The following UHRF1 variants were observed in gnomAD, a reference collection of about 807,000 sequenced individuals.
The protein encoded by UHRF1 is E3 ubiquitin-protein ligase UHRF1.
A neutral mutation model predicts 96.5 loss-of-function variants in UHRF1; 9 were observed. The ratio of observed to expected loss-of-function variants is 0.09; its 90% confidence interval spans 0.06 to 0.16. The LOEUF is 0.16. Ranked by LOEUF, UHRF1 falls within the 10% of genes least tolerant of loss-of-function variation. UHRF1 has a pLI of 1.00. For synonymous variants in UHRF1, 455 were observed against 469.9 expected, an observed-to-expected ratio of 0.97 and a Z score of 0.41; for missense variants, 626 against 1,131.1, an observed-to-expected ratio of 0.55 and a Z score of 6.40.
Position 4,929,457 on chromosome 19 carries a change from C to T in UHRF1, c.389C>T (p.Thr130Met), listed in dbSNP as rs371706472. 1.8e-5 allele frequency: 29 copies of T among 1,613,580 alleles called. No homozygotes were observed. The highest frequency in any genetic ancestry group is 5.3e-5 in the African/African-American group (4 of 75,012). Residue 130 changes from threonine to methionine, a missense_variant, in exon 3 of 17, where the codon ACG becomes ATG. Thr to Met is a moderately conservative substitution (Grantham distance 81). Coordinates refer to ENST00000650932, the MANE Select transcript of UHRF1 (RefSeq NM_001048201.3). The stretch of plus-strand genomic sequence containing the variant: ...GCCGATGAGGACATGTGGGATGAGA[C>T]GGAATTGGGGCTGTACAAGGTGAGC... ...RPADEDMWDE[T>M]ELGLYKVNEY... is the part of the protein sequence containing the mutation.
At chr19:4,948,258 T>G (rs1443228095) in intron 11 of UHRF1, among the ~76,000 whole-genome samples, 1 of 152,164 alleles carries the variant, frequency 6.6e-6, no homozygotes, top group Non-Finnish European at 1.5e-5. Context: ...CAGTGAATTT[T>G]ATTTGCAAAA....
intron 10 of UHRF1, 122 bp from the exon 11 acceptor site, chr19:4,946,983 C>G (rs1383964641): frequency 2.7e-6 from 2 of 745,360 alleles, no homozygotes; most frequent in Non-Finnish European, 4.5e-6. Flanking sequence ...CACATTCTCA[C>G]CAACGCTTGT....
At position 4,911,141 on chromosome 19, in the gene UHRF1, CTCGTCCGG is replaced by C. The variant is rs1358179658; in HGVS notation, c.153+106_153+113del. On this transcript the variant is annotated intron_variant, in intron 2 of 16. Transcript: ENST00000650932. ...CCCTCCCACCTCCCCCCCCAACAAC[CTCGTCCGG>C]TCCCACTTCATCTCTCCCGGAAGGA... is the stretch of plus-strand genomic sequence containing the variant. 5.2e-6 allele frequency: 6 copies of C among 1,152,984 alleles called. No individual in the cohort carries two copies. The East Asian group carries it at 1.6e-4, about 30-fold the overall frequency. 71.4% of individuals were successfully genotyped at this position (1,152,984 alleles called of 1,614,324 possible).
At position 4,944,282 on chromosome 19, in the gene UHRF1, G is replaced by A. The variant is rs375878465; in HGVS notation, c.1197+27G>A. 5.6e-6 allele frequency: 9 copies of A among 1,613,818 alleles called. No individual in the cohort carries two copies. The South Asian group carries it at 6.6e-5, about 12-fold the overall frequency. On this transcript the variant is annotated intron_variant, in intron 8 of 16. Transcript: ENST00000650932. ...TGAGGCGGGTCCTTCCCACGTGCCC[G>A]TGGCCCCTCCCCGCCTGCCAGGGCT... is the stretch of plus-strand genomic sequence containing the variant.
chr19:4,960,512 T>C (rs1225648447), intron 16 of UHRF1, 145 bp from the exon 17 acceptor site: 2 of 1,199,712 alleles, frequency 1.7e-6, no homozygotes, highest in East Asian at 2.6e-5. Flanking sequence ...GCCAGGCTGG[T>C]GATGGGCAGC....
At chr19:4,926,768 GA>G (rs371038776) in intron 2 of UHRF1, among the ~76,000 whole-genome samples, 10,949 of 137,310 alleles carry the variant, frequency 0.08, 1,131 homozygotes, top group African/African-American at 0.25. Flanking sequence ...CTTTCTAAAG[GA>G]AAAAAAAAAA....
rs1361573115 is a variant in UHRF1, at chr19:4,930,641, G to C, written c.409-75G>C. On this transcript the variant is annotated intron_variant, in intron 3 of 16. Coordinates refer to ENST00000650932, the MANE Select transcript of UHRF1 (RefSeq NM_001048201.3). This position sits in a 1 kb window ranked among gnomAD's most constrained non-coding sequence, Gnocchi z 4.4. The stretch of plus-strand genomic sequence containing the variant: ...CGCCCTGGTTCCAGAGCATCCCAGT[G>C]TCCGAGAACCAAGGTGGTCTCCCGT... 3 of 1,529,424 alleles carry C rather than the reference G, an allele frequency of 2.0e-6. No homozygotes were observed. Among genetic ancestry groups the C allele is most frequent in the Non-Finnish European group, 2.7e-6 (3 of 1,127,122 alleles). 94.7% of individuals were successfully genotyped at this position (1,529,424 alleles called of 1,614,324 possible).
chr19:4,945,250 T>A (rs1224120034), intron 9 of UHRF1, among the ~76,000 whole-genome samples: 2 of 152,132 alleles, frequency 1.3e-5, no homozygotes, highest in Non-Finnish European at 2.9e-5. Flanking sequence ...CATTTAGAAC[T>A]CAGTCACCCC....
intron 1 of UHRF1, chr19:4,910,568 G>T: frequency 3.3e-6 from 1 of 298,550 alleles, no homozygotes; most frequent in Non-Finnish European, 6.2e-6. Context: ...ACTTGGCCCG[G>T]GCCTCCTTTC....
At chr19:4,942,941 T>C (rs2033451343) in intron 7 of UHRF1, among the ~76,000 whole-genome samples, 2 of 148,542 alleles carry the variant, frequency 1.3e-5, no homozygotes, top group South Asian at 4.3e-4. Flanking sequence ...CCTATTTCTT[T>C]AGAAAAGTAA....
intron 2 of UHRF1, among the ~76,000 whole-genome samples, chr19:4,924,514 C>A (rs1292977114): frequency 6.6e-6 from 1 of 151,972 alleles, no homozygotes; most frequent in Non-Finnish European, 1.5e-5. Context: ...GAACTCCTGG[C>A]CTCAAGTGAT....
At chr19:4,956,956 C>G in intron 16 of UHRF1, 143 bp downstream of exon 16, 1 of 673,770 alleles carries the variant, frequency 1.5e-6, no homozygotes, top group Non-Finnish European at 2.7e-6. Flanking sequence ...GCCCTGTTGA[C>G]TGCTTTCTGG....
At chr19:4,909,028 G>C (rs1284048258), upstream of UHRF1, among the ~76,000 whole-genome samples, 2 of 152,196 alleles carry the variant, frequency 1.3e-5, no homozygotes, top group Non-Finnish European at 2.9e-5. Context: ...AGCCCTGGCA[G>C]GCCCTGACGC....
intron 2 of UHRF1, among the ~76,000 whole-genome samples, chr19:4,927,134 C>T (rs1036615709): frequency 8.6e-5 from 13 of 151,916 alleles, no homozygotes; most frequent in Admixed American, 6.6e-4. Context: ...AATCCCAGCT[C>T]TTTGGGAGGC....
chr19:4,945,263 C>T (rs1210418239), intron 9 of UHRF1, among the ~76,000 whole-genome samples: 1 of 152,046 alleles, frequency 6.6e-6, no homozygotes, highest in Admixed American at 6.6e-5. Flanking sequence ...GTCACCCCCA[C>T]TTTTATTTTT....
intron 2 of UHRF1, 51 bp downstream of exon 2, chr19:4,911,089 C>A: frequency 6.9e-7 from 1 of 1,447,984 alleles, no homozygotes; most frequent in Non-Finnish European, 9.2e-7. Context: ...GGCCTCGCGC[C>A]TCTGCAGCCA....
In UHRF1 at chr19:4,941,093, T is replaced by G. The variant is rs1323689784; in HGVS notation, c.786-435T>G. Among the ~76,000 whole-genome samples the G allele has an allele frequency of 1.1e-3, 146 of 138,908 alleles. 1 individual carries two copies. The highest frequency in any genetic ancestry group is 3.4e-3 in the African/African-American group (121 of 36,106). The allele number at this position is 138,908 out of a possible 152,430, so 91.1% of individuals were successfully genotyped here. On this transcript the variant is annotated intron_variant, in intron 5 of 16. Transcript: ENST00000650932. ...TCTGGTTTCTGTGTTTTGTTTTTTT[T>G]TTTTTTTTTTTTTTTGAGACTGAGT...
At chr19:4,946,868 G>A (rs2033581539) in intron 10 of UHRF1, among the ~76,000 whole-genome samples, 1 of 152,016 alleles carries the variant, frequency 6.6e-6, no homozygotes, top group African/African-American at 2.4e-5. Flanking sequence ...GAGCCACCAT[G>A]CCCAGCCCTC....
intron 5 of UHRF1, among the ~76,000 whole-genome samples, chr19:4,939,655 C>T (rs948594030): frequency 5.9e-5 from 9 of 152,184 alleles, no homozygotes; most frequent in Non-Finnish European, 1.0e-4. Context: ...TGTTCCCACA[C>T]TGTCCCATAG....
Sources: gnomAD v4.1 joint callset for allele counts (sites outside exome capture counted in the v4.1 genomes callset) on GRCh38, gnomAD v4.1.1 for gene constraint, Gnocchi (gnomAD v3.1) non-coding constraint, MANE v1.5 for transcripts, NCBI Gene and HGNC (gene_info 2026-07-23, HGNC 2026-07-21) for gene names.